The following CREB3L3 variants were observed in gnomAD, a reference collection of about 807,000 sequenced individuals.
CREB3L3 encodes cAMP responsive element binding protein 3 like 3.
In CREB3L3, 40 loss-of-function variants were observed where a neutral mutation model predicts 44.6. The ratio of observed to expected loss-of-function variants is 0.90; its 90% CI spans 0.70 to 1.17. CREB3L3 has a LOEUF of 1.17. Ranked by LOEUF, CREB3L3 falls within the 50% of genes most tolerant of loss-of-function variation. The probability of loss-of-function intolerance (pLI) is 0.00; values close to 1 mark genes in which losing one functional copy is unlikely to be tolerated. For missense variants in CREB3L3, 578 were observed against 595.8 expected (o/e 0.97, Z 0.31); for synonymous variants, 273 against 256.3 (o/e 1.06, Z -0.62).
intron 2 of CREB3L3, 109 bp from the exon 3 acceptor site, chr19:4,156,886 G>A: frequency 8.8e-7 from 1 of 1,130,360 alleles, no homozygotes; most frequent in Non-Finnish European, 1.3e-6. Flanking sequence ...TTGGAGAAGG[G>A]AAGGACACCT....
intron 2 of CREB3L3, 84 bp from the exon 3 acceptor site, chr19:4,156,911 G>A (rs1297450910): frequency 2.1e-6 from 3 of 1,430,268 alleles, no homozygotes; most frequent in Admixed American, 1.7e-5. Flanking sequence ...CCCAAAGAGG[G>A]TCACTGGTTT....
chr19:4,155,068 C>A, intron 2 of CREB3L3, 41 bp downstream of exon 2: 1 of 1,599,604 alleles, frequency 6.3e-7, no homozygotes, highest in Non-Finnish European at 8.5e-7. Context: ...CACAGAGCTC[C>A]AGGCGGGCCA....
At chr19:4,162,327 C>G (rs1413967372) in intron 4 of CREB3L3, among the ~76,000 whole-genome samples, 1 of 151,852 alleles carries the variant, frequency 6.6e-6, no homozygotes, top group Non-Finnish European at 1.5e-5. Flanking sequence ...TATTTAAAGT[C>G]AAGGTTTCCC....
chr19:4,157,638 C>T (rs1473474829), intron 3 of CREB3L3, among the ~76,000 whole-genome samples: 1 of 152,108 alleles, frequency 6.6e-6, no homozygotes, highest in Non-Finnish European at 1.5e-5. Context: ...TTGCCTTCTA[C>T]GTGTCTGTAC....
At position 4,156,336 on chromosome 19, in the gene CREB3L3, T is replaced by G. The variant is rs943077412; in HGVS notation, c.157-659T>G. Among the ~76,000 whole-genome samples the G allele has an allele frequency of 4.0e-5, 6 of 151,542 alleles. No homozygotes were observed. In the East Asian group the frequency reaches 9.8e-4, roughly 25 times the overall value. ...CCGAGTAGCTGAGATTACAGGCATG[T>G]GCCACCATGCCTGGCTAATTTTGAA... is the stretch of plus-strand genomic sequence containing the variant. On this transcript the variant is annotated intron_variant, in intron 2 of 9. Coordinates refer to ENST00000078445, the MANE Select transcript of CREB3L3 (RefSeq NM_032607.3).
At chr19:4,161,766 G>T (rs144459922) in intron 4 of CREB3L3, among the ~76,000 whole-genome samples, 4 of 152,210 alleles carry the variant, frequency 2.6e-5, no homozygotes, top group African/African-American at 9.6e-5. Context: ...AGGCCAGGGT[G>T]CCCCTGGCAA....
chr19:4,168,187 C>T (rs563152117), intron 5 of CREB3L3, among the ~76,000 whole-genome samples, 164 bp from the exon 6 acceptor site: 13 of 151,730 alleles, frequency 8.6e-5, no homozygotes, highest in African/African-American at 2.9e-4. Context: ...TTAGTAGAGA[C>T]GGTGTTTCAC....
intron 4 of CREB3L3, among the ~76,000 whole-genome samples, chr19:4,163,719 G>T (rs367903280): frequency 2.0e-5 from 3 of 151,612 alleles, no homozygotes; most frequent in African/African-American, 4.8e-5. Context: ...CACCATGTTG[G>T]CCAGGCTAGT....
intron 4 of CREB3L3, among the ~76,000 whole-genome samples, chr19:4,163,970 A>ATTTTT (rs746262345): frequency 1.7e-5 from 2 of 114,908 alleles, no homozygotes; most frequent in African/African-American, 3.4e-5. Flanking sequence ...TGGTCGGGTA[A>ATTTTT]TTTTTTTTTT....
In CREB3L3 at chr19:4,155,019, A is replaced by C. The variant is rs1389606174; in HGVS notation, c.148A>C (p.Lys50Gln). ...VELGEGWGHV[K>Q]DQQVLPNPDS... ...GCTGGGCGAGGGCTGGGGTCACGTC[A>C]AGGACCAGGTGAGGAGTCCACTGCA... Residue 50 changes from lysine to glutamine, a missense_variant, in exon 2 of 10, where the codon AAG (lysine) becomes CAG (glutamine). Coordinates refer to ENST00000078445, the MANE Select transcript of CREB3L3 (RefSeq NM_032607.3). The C allele has an allele frequency of 6.2e-7, 1 of 1,607,830 alleles. No homozygotes were observed. Among genetic ancestry groups the C allele is most frequent in the South Asian group, 1.1e-5 (1 of 91,088 alleles).
In CREB3L3 at chr19:4,164,648, TG is replaced by T; in HGVS notation, c.714+14del. 1.2e-6 allele frequency: 2 copies of T among 1,613,922 alleles called. No homozygotes were observed. The highest frequency in any genetic ancestry group is 8.5e-7 in the Non-Finnish European group (1 of 1,179,968). On this transcript the variant is annotated intron_variant, in intron 5 of 9. Transcript: ENST00000078445. Reference sequence around the variant, plus strand: ...CAGCTGCCCCTCACTAAGGTGAGTCTGGGGGGACTTCCAGCCCTGGATCCAT... The same window carrying T: ...CAGCTGCCCCTCACTAAGGTGAGTCTGGGGGACTTCCAGCCCTGGATCCAT...
At chr19:4,161,176 A>C (rs1237604538) in intron 4 of CREB3L3, among the ~76,000 whole-genome samples, 1 of 151,944 alleles carries the variant, frequency 6.6e-6, no homozygotes, top group Non-Finnish European at 1.5e-5. Context: ...GTTAGCCAGG[A>C]TGGTCTCGAT....
rs780289634 is a variant in CREB3L3, at chr19:4,171,193, CAGGCAAGCCGGGGACCT to C, written c.975+23_975+39del. On this transcript the variant is annotated intron_variant, in intron 8 of 9. Coordinates refer to ENST00000078445, the MANE Select transcript of CREB3L3 (RefSeq NM_032607.3). The surrounding 1 kb of genome is among the most constrained non-coding windows in gnomAD (Gnocchi z 4.9). ...GTGTCGCAGTGAGTCCTGGTGCCCC[CAGGCAAGCCGGGGACCT>C]AGGCTTCTGTAGAGGGGCCCATAGG... is the stretch of plus-strand genomic sequence containing the variant. The C allele has an allele frequency of 6.2e-7, 1 of 1,610,580 alleles. No homozygotes were observed. Among genetic ancestry groups the C allele is most frequent in the Non-Finnish European group, 8.5e-7 (1 of 1,176,934 alleles).
intron 5 of CREB3L3, 101 bp from the exon 6 acceptor site, chr19:4,168,250 C>T (rs746671092): frequency 9.5e-5 from 77 of 812,086 alleles, no homozygotes; most frequent in African/African-American, 4.8e-4. Context: ...ACGCCTGCCT[C>T]GGCCTCCCAA....
chr19:4,159,092 C>T (rs2041626293), intron 3 of CREB3L3, among the ~76,000 whole-genome samples: 1 of 152,190 alleles, frequency 6.6e-6, no homozygotes, highest in East Asian at 1.9e-4. Flanking sequence ...TGACAATGTC[C>T]TGTGTCTTCC....
At chr19:4,168,313 T>C in intron 5 of CREB3L3, 38 bp from the exon 6 acceptor site, 1 of 1,559,976 alleles carries the variant, frequency 6.4e-7, no homozygotes, top group Non-Finnish European at 8.8e-7. Context: ...AGTGGGGACT[T>C]TCTGGCCTGA....
At chr19:4,163,812 T>C (rs926381381) in intron 4 of CREB3L3, among the ~76,000 whole-genome samples, 11 of 148,824 alleles carry the variant, frequency 7.4e-5, no homozygotes, top group Non-Finnish European at 1.0e-4. Context: ...CTTTTCTTTT[T>C]TTTTTTTTTT....
At chr19:4,162,957 A>T (rs1217765481) in intron 4 of CREB3L3, among the ~76,000 whole-genome samples, 1 of 152,094 alleles carries the variant, frequency 6.6e-6, no homozygotes, top group African/African-American at 2.4e-5. Context: ...AACCCGGGTG[A>T]AGTAGCAAGA....
Position 4,171,960 on chromosome 19 carries a change from C to T in CREB3L3, c.1377C>T (p.Asp459=), listed in dbSNP as rs749905978. The T allele has an allele frequency of 1.1e-5, 17 of 1,596,506 alleles. No homozygotes were observed. Among genetic ancestry groups the T allele is most frequent in the East Asian group, 4.5e-5 (2 of 44,216 alleles). The change falls in exon 10 of 10, where the codon GAC becomes GAT. Residue 459 remains aspartate (D), a synonymous_variant. Transcript: ENST00000078445. The surrounding 1 kb of genome is among the most constrained non-coding windows in gnomAD (Gnocchi z 4.9). ...GTGCAGGGCTGGAGGCGGCGGGAGACGAGCTGTGAGCCCCGCCAGGACTAT... is the reference window on the plus strand; with the variant it reads ...GTGCAGGGCTGGAGGCGGCGGGAGATGAGCTGTGAGCCCCGCCAGGACTAT... The part of the protein sequence containing the change: ...SGRAGLEAAG[D]EL
Sources: allele counts gnomAD v4.1 joint callset (sites outside exome capture counted in the v4.1 genomes callset), GRCh38; gene constraint gnomAD v4.1.1; non-coding constraint Gnocchi (gnomAD v3.1); transcripts MANE v1.5; gene names NCBI Gene and HGNC (gene_info 2026-07-23, HGNC 2026-07-21).